CALN1: variants seen among roughly 807,000 people sequenced by gnomAD.
CALN1 encodes the protein calcium-binding protein 8.
Under a neutral mutation model 30.6 loss-of-function variants are expected in CALN1, and 17 were observed. The ratio of observed to expected loss-of-function variants is 0.56; its 90% CI spans 0.38 to 0.83. The LOEUF is 0.83. Among genes scored for constraint, CALN1 ranks in the 40% least tolerant of loss-of-function variants. The pLI, the probability that CALN1 is intolerant of heterozygous loss-of-function variation, is 0.00. For missense variants in CALN1, 291 were observed against 354.9 expected (o/e 0.82, Z 1.45); for synonymous variants, 156 against 131.4 (o/e 1.19, Z -1.28).
chr7:71,970,507 T>G (rs1435968779), intron 5 of CALN1, among the ~76,000 whole-genome samples: 4 of 152,156 alleles, frequency 2.6e-5, no homozygotes, highest in Non-Finnish European at 5.9e-5. Flanking sequence ...CTTATACTCA[T>G]TTTAGGCTTT....
Position 71,886,063 on chromosome 7 carries a change from G to A in CALN1, c.502-75571C>T, listed in dbSNP as rs1792883961. Among the ~76,000 whole-genome samples, 3 of 152,222 alleles carry A rather than the reference G, an allele frequency of 2.0e-5. No individual in the cohort carries two copies. The South Asian group carries it at 6.2e-4, about 31-fold the overall frequency. On this transcript the variant is annotated intron_variant, in intron 5 of 6. Transcript: ENST00000395275. ...TCTGAGGGGTCTAGAGAAGATAGCT[G>A]GCTGAAAAATTCAGGGTGGGTTCCA... is the stretch of plus-strand genomic sequence containing the variant.
intron 5 of CALN1, among the ~76,000 whole-genome samples, chr7:71,823,755 AAAAAGAGAAAG>A (rs1788740202): frequency 6.6e-6 from 1 of 152,028 alleles, no homozygotes. Context: ...AAAAGAAAAG[AAAAAGAGAAAG>A]AAAAGAAAAG....
chr7:72,092,681 A>G (rs1185118644), intron 4 of CALN1, among the ~76,000 whole-genome samples: 1 of 137,588 alleles, frequency 7.3e-6, no homozygotes, highest in East Asian at 3.9e-4. Context: ...AGTTATCATT[A>G]GTGTTGTTCA....
chr7:72,149,793 T>C (rs1416549552), intron 3 of CALN1, among the ~76,000 whole-genome samples: 1 of 152,062 alleles, frequency 6.6e-6, no homozygotes, highest in Non-Finnish European at 1.5e-5. Flanking sequence ...AGAAAGGACC[T>C]GGTCACTAAC....
In CALN1 at chr7:71,911,876, G is replaced by A. The variant is rs17144114; in HGVS notation, c.502-101384C>T. On this transcript the variant is annotated intron_variant, in intron 5 of 6. Coordinates refer to ENST00000395275, the MANE Select transcript of CALN1 (RefSeq NM_031468.4). ...TATCCTGCCCCGATAAAGTAACGAC[G>A]AAGATGAGTTTCCATCAGGAGCATG... Among the ~76,000 whole-genome samples, 147 of 152,158 alleles carry A rather than the reference G, an allele frequency of 9.7e-4. 1 individual carries two copies. In the East Asian group the frequency reaches 0.025, roughly 26 times the overall value.
chr7:72,347,457 G>C (rs1802707365), intron 2 of CALN1, among the ~76,000 whole-genome samples: 1 of 151,886 alleles, frequency 6.6e-6, no homozygotes, highest in African/African-American at 2.4e-5. Flanking sequence ...GTAGAGACGG[G>C]GTTTCTCTAT....
chr7:72,397,788 C>CTTCCCCCT (rs35102658), intron 2 of CALN1, among the ~76,000 whole-genome samples: 2 of 150,492 alleles, frequency 1.3e-5, no homozygotes, highest in African/African-American at 4.9e-5. Context: ...AAGTATTAGC[C>CTTCCCCCT]TACCCTTAGG....
intron 2 of CALN1, among the ~76,000 whole-genome samples, chr7:72,335,547 C>T (rs1010304810): frequency 2.0e-5 from 3 of 152,148 alleles, no homozygotes; most frequent in African/African-American, 7.2e-5. Context: ...CACACACAGC[C>T]GGCGCTAAGC....
chr7:72,245,653 A>AATAC (rs1401429970), intron 3 of CALN1, among the ~76,000 whole-genome samples: 5 of 150,814 alleles, frequency 3.3e-5, no homozygotes, highest in Admixed American at 2.6e-4. Context: ...TAAATAAATA[A>AATAC]ATAAATAAAG....
At chr7:71,916,164 T>A (rs1004350727) in intron 5 of CALN1, among the ~76,000 whole-genome samples, 4 of 151,822 alleles carry the variant, frequency 2.6e-5, no homozygotes, top group Non-Finnish European at 5.9e-5. Flanking sequence ...CACAAAGGGA[T>A]GTTCCCATCA....
chr7:72,017,947 G>A (rs892710347), intron 5 of CALN1, among the ~76,000 whole-genome samples: 1 of 152,084 alleles, frequency 6.6e-6, no homozygotes, highest in Non-Finnish European at 1.5e-5. Context: ...TCTTCAGAGG[G>A]AAAAGAGGTT....
At chr7:72,228,112 C>T (rs939004060) in intron 3 of CALN1, among the ~76,000 whole-genome samples, 2 of 151,950 alleles carry the variant, frequency 1.3e-5, no homozygotes, top group South Asian at 2.1e-4. Context: ...CTTTCTTTGT[C>T]GTGGGAACTT....
the CALN1 span, among the ~76,000 whole-genome samples, chr7:72,496,601 C>T: frequency 6.6e-6 from 1 of 152,304 alleles, no homozygotes; most frequent in African/African-American, 2.4e-5. Context: ...AAAAAGCTAA[C>T]AGTTGGGTTG....
chr7:72,208,864 T>G (rs1328325038), intron 3 of CALN1, among the ~76,000 whole-genome samples: 1 of 152,082 alleles, frequency 6.6e-6, no homozygotes, highest in Non-Finnish European at 1.5e-5. Context: ...TAGTGGCTGC[T>G]CTCCAGGAAG....
At chr7:72,084,565 T>G (rs570684886) in intron 4 of CALN1, among the ~76,000 whole-genome samples, 16 of 151,942 alleles carry the variant, frequency 1.1e-4, no homozygotes, top group South Asian at 2.1e-4. Flanking sequence ...TTCACCATGT[T>G]GGCCAGGCTG....
At chr7:72,363,994 C>G (rs907910690) in intron 2 of CALN1, among the ~76,000 whole-genome samples, 1 of 151,716 alleles carries the variant, frequency 6.6e-6, no homozygotes, top group Non-Finnish European at 1.5e-5. Context: ...CTCAGTCTCT[C>G]AAAGTGTTGG....
chr7:72,489,733 T>C, the CALN1 span, among the ~76,000 whole-genome samples: 1 of 152,012 alleles, frequency 6.6e-6, no homozygotes, highest in Admixed American at 6.6e-5. Context: ...GTGGAGGGGG[T>C]GGGTCCCATG....
At chr7:72,322,612 A>G (rs957345697) in intron 2 of CALN1, among the ~76,000 whole-genome samples, 5 of 152,044 alleles carry the variant, frequency 3.3e-5, no homozygotes, top group African/African-American at 9.7e-5. Context: ...AAAAATTAAA[A>G]CAATTGAACT....
chr7:71,816,446 G>A (rs1234202545), intron 5 of CALN1, among the ~76,000 whole-genome samples: 1 of 152,062 alleles, frequency 6.6e-6, no homozygotes, highest in African/African-American at 2.4e-5. Flanking sequence ...TTACAGATGA[G>A]AACACCAAGA....
Sources: allele counts gnomAD v4.1 joint callset (sites outside exome capture counted in the v4.1 genomes callset), GRCh38; gene constraint gnomAD v4.1.1; transcripts MANE v1.5; gene names NCBI Gene and HGNC (gene_info 2026-07-23, HGNC 2026-07-21).